Variants in NKAIN2 observed in about 807,000 individuals in gnomAD.
NKAIN2 encodes the protein sodium/potassium-transporting ATPase subunit beta-1-interacting protein 2.
In NKAIN2, 14 loss-of-function variants were observed where a neutral mutation model predicts 32.6. The ratio of observed to expected loss-of-function variants is 0.43; its 90% CI spans 0.28 to 0.67. The LOEUF (loss-of-function observed/expected upper bound fraction) is 0.67, where lower values mean the gene tolerates loss of function less well. NKAIN2 is among the 30% of genes least tolerant of loss of function. The probability of loss-of-function intolerance (pLI) is 0.17; values close to 1 mark genes in which losing one functional copy is unlikely to be tolerated. For synonymous variants in NKAIN2, 80 were observed against 87.2 expected (o/e 0.92, Z 0.46); for missense variants, 198 against 258.3 (o/e 0.77, Z 1.60).
intron 1 of NKAIN2, among the ~76,000 whole-genome samples, chr6:124,185,756 A>C (rs9491078): frequency 0.12 from 18,181 of 152,072 alleles, 2,551 homozygotes; most frequent in African/African-American, 0.34. Flanking sequence ...ATGGTTAAAC[A>C]CATCTGTTTG....
intron 1 of NKAIN2, among the ~76,000 whole-genome samples, chr6:124,064,449 C>T (rs778996390): frequency 2.3e-4 from 35 of 151,566 alleles, no homozygotes; most frequent in Non-Finnish European, 4.6e-4. Context: ...GTTTCTGTTT[C>T]ATTTGCTTTA....
chr6:124,403,040 G>A (rs1773695544), intron 3 of NKAIN2, among the ~76,000 whole-genome samples: 1 of 152,144 alleles, frequency 6.6e-6, no homozygotes, highest in African/African-American at 2.4e-5. Context: ...GTTGGTAAAT[G>A]TATACAAAAT....
intron 1 of NKAIN2, among the ~76,000 whole-genome samples, chr6:124,245,689 C>T (rs1289646247): frequency 6.6e-6 from 1 of 152,016 alleles, no homozygotes; most frequent in Non-Finnish European, 1.5e-5. Flanking sequence ...GTTGGACGAA[C>T]ATTCTATAGT....
chr6:124,374,053 T>C (rs1478509151), intron 3 of NKAIN2, among the ~76,000 whole-genome samples: 1 of 152,022 alleles, frequency 6.6e-6, no homozygotes, highest in Non-Finnish European at 1.5e-5. Flanking sequence ...GAGAAACTGA[T>C]GGAGTGGGAG....
intron 1 of NKAIN2, among the ~76,000 whole-genome samples, chr6:123,902,010 C>T (rs1774613256): frequency 6.6e-6 from 1 of 151,852 alleles, no homozygotes; most frequent in African/African-American, 2.4e-5. Context: ...CAAATTTTAA[C>T]GAAATAAAAA....
chr6:124,344,225 G>A (rs1562501741), intron 2 of NKAIN2, among the ~76,000 whole-genome samples: 1 of 152,076 alleles, frequency 6.6e-6, no homozygotes, highest in Non-Finnish European at 1.5e-5. Flanking sequence ...TGCTGTTTTG[G>A]TTACTGTAGC....
intron 4 of NKAIN2, among the ~76,000 whole-genome samples, chr6:124,776,106 G>T (rs555382949): frequency 6.6e-6 from 1 of 152,306 alleles, no homozygotes; most frequent in African/African-American, 2.4e-5. Flanking sequence ...TTGGATTGGA[G>T]GAGTTTTTGT....
intron 2 of NKAIN2, among the ~76,000 whole-genome samples, chr6:124,332,039 G>A (rs933215143): frequency 6.6e-5 from 10 of 152,056 alleles, no homozygotes; most frequent in Non-Finnish European, 2.9e-5. Flanking sequence ...CTAAAGATTG[G>A]AAGAAGCTAA....
intron 1 of NKAIN2, among the ~76,000 whole-genome samples, chr6:124,251,253 G>T (rs529427635): frequency 6.6e-6 from 1 of 152,076 alleles, no homozygotes; most frequent in East Asian, 1.9e-4. Flanking sequence ...GCCATGTTCT[G>T]TGTTAACTTA....
intron 2 of NKAIN2, among the ~76,000 whole-genome samples, chr6:124,341,086 T>C (rs1798093556): frequency 6.6e-6 from 1 of 152,174 alleles, no homozygotes; most frequent in Admixed American, 6.5e-5. Context: ...ATAGTCTGTC[T>C]TAAGAATAGT....
chr6:124,681,241 A>G (rs1470477920), intron 4 of NKAIN2, among the ~76,000 whole-genome samples: 2 of 152,020 alleles, frequency 1.3e-5, no homozygotes, highest in East Asian at 3.8e-4. Context: ...GGCTCTACTT[A>G]TATATTTAAT....
chr6:124,662,355 G>A (rs1194105360), intron 4 of NKAIN2, among the ~76,000 whole-genome samples: 1 of 151,990 alleles, frequency 6.6e-6, no homozygotes, highest in African/African-American at 2.4e-5. Context: ...CATTAGTGTT[G>A]ACTTAGAAAC....
chr6:123,951,829 A>G (rs141320340), intron 1 of NKAIN2, among the ~76,000 whole-genome samples: 61 of 151,716 alleles, frequency 4.0e-4, no homozygotes, highest in African/African-American at 1.5e-3. Context: ...TTATTCCTAT[A>G]CTTTTATTAA....
chr6:123,842,052 A>G (rs1774894351), intron 1 of NKAIN2, among the ~76,000 whole-genome samples: 1 of 152,204 alleles, frequency 6.6e-6, no homozygotes, highest in Admixed American at 6.5e-5. Context: ...TTTTAGGAGT[A>G]TCTGTCTACC....
chr6:124,661,832 A>G (rs1291816020), intron 4 of NKAIN2, among the ~76,000 whole-genome samples: 2 of 152,214 alleles, frequency 1.3e-5, no homozygotes, highest in African/African-American at 4.8e-5. Context: ...ATGTGGGGAG[A>G]GCCAAGGAGG....
chr6:124,568,634 A>C (rs1165880286), intron 3 of NKAIN2, among the ~76,000 whole-genome samples: 1 of 152,094 alleles, frequency 6.6e-6, no homozygotes, highest in Admixed American at 6.5e-5. Flanking sequence ...ATACAAGTCA[A>C]GTTTATCACT....
intron 1 of NKAIN2, among the ~76,000 whole-genome samples, chr6:124,009,111 G>A (rs2114730284): frequency 6.6e-6 from 1 of 152,236 alleles, no homozygotes; most frequent in South Asian, 2.1e-4. Context: ...CTGTACAACT[G>A]TAATCCTGAA....
At chr6:124,511,306 A>C (rs1778703315) in intron 3 of NKAIN2, among the ~76,000 whole-genome samples, 1 of 152,182 alleles carries the variant, frequency 6.6e-6, no homozygotes, top group Non-Finnish European at 1.5e-5. Flanking sequence ...AAAATATGTA[A>C]GCCTGATAAA....
rs1268333911 is a variant in NKAIN2, at chr6:124,795,150, C to A, written c.535+3751C>A. Among the ~76,000 whole-genome samples, 10 of 152,244 alleles carry A rather than the reference C, an allele frequency of 6.6e-5. No individual in the cohort carries two copies. In the South Asian group the frequency reaches 1.2e-3, roughly 19 times the overall value. On this transcript the variant is annotated intron_variant, in intron 5 of 6. Coordinates refer to ENST00000368417, the MANE Select transcript of NKAIN2 (RefSeq NM_001040214.3). ...CCTGCTTGCCAAATTGGTTAAGTTT[C>A]CATTACTAAGAGCCTTATGAGGAAC...
Sources: gnomAD v4.1 joint callset for allele counts (sites outside exome capture counted in the v4.1 genomes callset) on GRCh38, gnomAD v4.1.1 for gene constraint, MANE v1.5 for transcripts, NCBI Gene and HGNC (gene_info 2026-07-23, HGNC 2026-07-21) for gene names.